Variants in AMPH observed in about 807,000 individuals in gnomAD.
The protein encoded by AMPH is amphiphysin (Stiff-Mann syndrome with breast cancer 128kD autoantigen).
AMPH carries 49 observed loss-of-function variants against 99.1 expected under a neutral mutation model. The ratio of observed to expected loss-of-function variants is 0.49; its 90% CI spans 0.39 to 0.63. The LOEUF is 0.63. AMPH is among the 20% of genes least tolerant of loss of function. The pLI, the probability that AMPH is intolerant of heterozygous loss-of-function variation, is 0.00. For missense variants in AMPH, 759 were observed against 863.4 expected, an observed-to-expected ratio of 0.88 and a Z score of 1.52; for synonymous variants, 314 against 317.3, an observed-to-expected ratio of 0.99 and a Z score of 0.11.
intron 4 of AMPH, 62 bp from the exon 5 acceptor site, chr7:38,491,207 T>A (rs1788708976): frequency 9.4e-7 from 1 of 1,066,898 alleles, no homozygotes; most frequent in Non-Finnish European, 1.4e-6. Flanking sequence ...ACCAAACTTC[T>A]AAAAAAATCT....
At chr7:38,483,133 T>C (rs1230772181) in intron 5 of AMPH, among the ~76,000 whole-genome samples, 1 of 152,082 alleles carries the variant, frequency 6.6e-6, no homozygotes, top group African/African-American at 2.4e-5. Context: ...ACAGCACATC[T>C]AGCATCCCAA....
intron 17 of AMPH, among the ~76,000 whole-genome samples, chr7:38,401,953 C>CA (rs1437266967): frequency 2.6e-5 from 4 of 152,082 alleles, no homozygotes; most frequent in African/African-American, 9.7e-5. Context: ...GCTGTATCTT[C>CA]ACTCCTTGGT....
intron 1 of AMPH, among the ~76,000 whole-genome samples, chr7:38,599,887 A>G (rs1279911976): frequency 6.6e-6 from 1 of 151,928 alleles, no homozygotes; most frequent in African/African-American, 2.4e-5. Context: ...CTACTTTCCA[A>G]TAGTATTCCA....
intron 9 of AMPH, chr7:38,464,009 T>C (rs1475984923): frequency 8.1e-7 from 1 of 1,237,514 alleles, no homozygotes; most frequent in Non-Finnish European, 1.1e-6. Context: ...ATGATTGGGG[T>C]CATATGCCAG....
At chr7:38,565,016 C>A (rs965376814) in intron 1 of AMPH, among the ~76,000 whole-genome samples, 2 of 150,648 alleles carry the variant, frequency 1.3e-5, no homozygotes, top group African/African-American at 4.9e-5. Context: ...CCCAGCTACT[C>A]GGGAGGCTGA....
chr7:38,535,840 C>T (rs576117902), intron 1 of AMPH, among the ~76,000 whole-genome samples: 2 of 152,238 alleles, frequency 1.3e-5, no homozygotes, highest in African/African-American at 4.8e-5. Context: ...TGGTAATGCT[C>T]CCTCACCTGC....
At chr7:38,604,076 CA>C (rs1466258401) in intron 1 of AMPH, among the ~76,000 whole-genome samples, 1 of 152,134 alleles carries the variant, frequency 6.6e-6, no homozygotes, top group Non-Finnish European at 1.5e-5. Flanking sequence ...CAGGAAGCTT[CA>C]AAAAATAGAC....
intron 1 of AMPH, among the ~76,000 whole-genome samples, chr7:38,608,707 T>C (rs572033050): frequency 5.3e-5 from 8 of 152,088 alleles, no homozygotes; most frequent in Non-Finnish European, 1.0e-4. Context: ...CTGCAAGAAG[T>C]GATGGTGGAA....
At chr7:38,567,666 A>G (rs993645762) in intron 1 of AMPH, among the ~76,000 whole-genome samples, 1 of 152,248 alleles carries the variant, frequency 6.6e-6, no homozygotes, top group Non-Finnish European at 1.5e-5. Context: ...GTTGTCATCA[A>G]ATGGATGTTA....
At chr7:38,585,558 CAT>C (rs1792614360) in intron 1 of AMPH, among the ~76,000 whole-genome samples, 2 of 152,324 alleles carry the variant, frequency 1.3e-5, no homozygotes, top group South Asian at 4.1e-4. Flanking sequence ...TCCCTTTACA[CAT>C]ATGGATCTTT....
chr7:38,472,480 A>C (rs1034773057), intron 7 of AMPH, among the ~76,000 whole-genome samples: 5 of 152,120 alleles, frequency 3.3e-5, no homozygotes, highest in African/African-American at 1.2e-4. Context: ...AATTAATATG[A>C]TCTTTAGCTT....
intron 3 of AMPH, among the ~76,000 whole-genome samples, chr7:38,496,848 T>C (rs2129023258): frequency 6.6e-6 from 1 of 152,292 alleles, no homozygotes; most frequent in South Asian, 2.1e-4. Flanking sequence ...CACAACTGTG[T>C]AGATAGGTTT....
At chr7:38,503,925 C>T (rs905808779) in intron 2 of AMPH, among the ~76,000 whole-genome samples, 1 of 152,102 alleles carries the variant, frequency 6.6e-6, no homozygotes, top group Non-Finnish European at 1.5e-5. Context: ...CAAGATTTTG[C>T]TAATAGATAA....
rs1784600136 is a variant in AMPH, at chr7:38,394,209, T to G, written c.1404A>C (p.Ile468=). ...AEEPVEEAVI[I]PGADADAAVG... ...CAGCTGCATCAGCATCAGCTCCAGG[T>G]ATGATCTGCAGGGCAGAAACCAGCA... Residue 468 remains isoleucine, a synonymous_variant, in exon 18 of 21, where the codon ATA becomes ATC. Coordinates refer to ENST00000356264, the MANE Select transcript of AMPH (RefSeq NM_001635.4). 1 of 1,613,988 alleles carries G rather than the reference T, an allele frequency of 6.2e-7. No homozygotes were observed. The highest frequency in any genetic ancestry group is 1.3e-5 in the African/African-American group (1 of 74,930).
At chr7:38,447,858 TTTC>T (rs1786852258) in intron 11 of AMPH, among the ~76,000 whole-genome samples, 1 of 152,100 alleles carries the variant, frequency 6.6e-6, no homozygotes, top group South Asian at 2.1e-4. Context: ...ATTTTCATCT[TTTC>T]TTCTTCTAGA....
At position 38,534,971 on chromosome 7, in the gene AMPH, T is replaced by G. The variant is rs1234092625; in HGVS notation, c.110A>C (p.Glu37Ala). The change falls in exon 2 of 21, where the codon GAA (glutamate) becomes GCA (alanine). Residue 37 changes from glutamate to alanine, a missense_variant. By Grantham distance (107) the Glu-to-Ala change is moderately radical. Around this residue, in one of 2 missense-constraint regions of AMPH, gnomAD observed 205 missense variants for 287.9 expected, o/e 0.71. Transcript: ENST00000356264. ...GTTCTGGACATATTCTTCGAACTGTTCGTCTTTTGTCTCATCAGCTTTCCC... is the reference window on the plus strand; with the variant it reads ...GTTCTGGACATATTCTTCGAACTGTGCGTCTTTTGTCTCATCAGCTTTCCC... ...KLGKADETKD[E>A]QFEEYVQNFK... The G allele has an allele frequency of 1.2e-6, 2 of 1,614,192 alleles. No individual in the cohort carries two copies. Among genetic ancestry groups the G allele is most frequent in the Non-Finnish European group, 1.7e-6 (2 of 1,180,028 alleles).
intron 1 of AMPH, among the ~76,000 whole-genome samples, chr7:38,577,982 G>A (rs1357805401): frequency 6.6e-6 from 1 of 152,164 alleles, no homozygotes; most frequent in African/African-American, 2.4e-5. Context: ...CGATAGCTGC[G>A]TCACCTGTGC....
At chr7:38,566,372 A>G (rs1399864378) in intron 1 of AMPH, among the ~76,000 whole-genome samples, 1 of 152,054 alleles carries the variant, frequency 6.6e-6, no homozygotes, top group African/African-American at 2.4e-5. Context: ...TCCTAGCTCA[A>G]GAGATCCTTC....
chr7:38,468,507 T>C (rs918223200), intron 7 of AMPH, among the ~76,000 whole-genome samples: 1 of 152,230 alleles, frequency 6.6e-6, no homozygotes, highest in Non-Finnish European at 1.5e-5. Context: ...GAAAATGGTA[T>C]AGTATCAGAA....
Sources: gnomAD v4.1 joint callset for allele counts (sites outside exome capture counted in the v4.1 genomes callset) on GRCh38, gnomAD v4.1.1 for gene constraint, gnomAD v4.1.1 regional missense constraint, MANE v1.5 for transcripts, NCBI Gene and HGNC (gene_info 2026-07-23, HGNC 2026-07-21) for gene names.